The following PIGB variants were observed in gnomAD, a reference collection of about 807,000 sequenced individuals.
PIGB encodes the protein GPI alpha-1,2-mannosyltransferase 3.
Under a neutral mutation model 68.4 loss-of-function variants are expected in PIGB, and 58 were observed. The observed-to-expected ratio is 0.85, with a 90% CI of 0.69 to 1.06. PIGB has a LOEUF of 1.06. Among genes scored for constraint, PIGB ranks in the 50% least tolerant of loss-of-function variants. The pLI, the probability that PIGB is intolerant of heterozygous loss-of-function variation, is 0.00. For missense variants in PIGB, 634 were observed against 655.8 expected, an observed-to-expected ratio of 0.97 and a Z score of 0.36; for synonymous variants, 219 against 220.5, an observed-to-expected ratio of 0.99 and a Z score of 0.06.
chr15:55,351,004 T>A, intron 10 of PIGB, 92 bp downstream of exon 10: 1 of 668,982 alleles, frequency 1.5e-6, no homozygotes. Context: ...AATTAATTGG[T>A]CACTGATCAA....
At chr15:55,348,097 T>TCCTGCCTCAG (rs776072492) in intron 9 of PIGB, among the ~76,000 whole-genome samples, 17 of 150,018 alleles carry the variant, frequency 1.1e-4, no homozygotes, top group Admixed American at 3.3e-4. Context: ...CAAGTGATTC[T>TCCTGCCTCAG]CCTGCCTCAG....
chr15:55,340,709 G>T lies in PIGB; in HGVS notation c.944G>T (p.Gly315Val). 6.2e-7 allele frequency: 1 copy of T among 1,611,900 alleles called. No homozygotes were observed. Among genetic ancestry groups the T allele is most frequent in the Non-Finnish European group, 8.5e-7 (1 of 1,178,630 alleles). The change falls in exon 8 of 12, where the codon GGA (glycine) becomes GTA (valine). Residue 315 changes from glycine (G) to valine (V), a missense_variant. By Grantham distance (109) the Gly-to-Val change is moderately radical (BLOSUM62 -3). Transcript: ENST00000164305. ...SHPWHWYFSQGFPVILGTHLP... is the reference protein window; with the variant it reads ...SHPWHWYFSQVFPVILGTHLP... ...CCATGGCACTGGTACTTCAGTCAAG[G>T]ATTTCCAGTTATCTTGGGTACTCAC... is the stretch of plus-strand genomic sequence containing the variant.
chr15:55,331,330 A>G (rs942431752), intron 5 of PIGB, among the ~76,000 whole-genome samples: 2 of 152,184 alleles, frequency 1.3e-5, no homozygotes, highest in Non-Finnish European at 2.9e-5. Flanking sequence ...GTACAAAAGG[A>G]CTGCTATATA....
intron 3 of PIGB, among the ~76,000 whole-genome samples, chr15:55,323,253 G>C: frequency 6.6e-6 from 1 of 152,190 alleles, no homozygotes; most frequent in South Asian, 2.1e-4. Context: ...GTTAAAAGCA[G>C]AACTAGAGCT....
intron 3 of PIGB, among the ~76,000 whole-genome samples, chr15:55,326,524 T>C (rs546432030): frequency 2.0e-5 from 3 of 152,198 alleles, no homozygotes; most frequent in Non-Finnish European, 4.4e-5. Flanking sequence ...CTGCAAATAT[T>C]TGAATTTTTA....
At chr15:55,338,204 A>G (rs2055580636) in intron 6 of PIGB, among the ~76,000 whole-genome samples, 1 of 152,140 alleles carries the variant, frequency 6.6e-6, no homozygotes, top group African/African-American at 2.4e-5. Context: ...GCAGTCTCTG[A>G]GATGGCCTCC....
chr15:55,354,721 A>C, intron 10 of PIGB, 77 bp from the exon 11 acceptor site: 1 of 1,137,618 alleles, frequency 8.8e-7, no homozygotes, highest in Non-Finnish European at 1.2e-6. Context: ...TTTGCTAAGT[A>C]TAAATGACAT....
Position 55,319,249 on chromosome 15 carries a change from G to T in PIGB, c.-2G>T, listed in dbSNP as rs371584829. On this transcript the variant is annotated 5_prime_UTR_variant, in exon 1 of 12. Transcript: ENST00000164305. ...TCCGCCTTAGGAAGGTGGCGGCCAG[G>T]GATGAGGAGGCCCCTAAGCAAGTGC... 15 of 1,604,196 alleles carry T rather than the reference G, an allele frequency of 9.4e-6. No homozygotes were observed. Among genetic ancestry groups the T allele is most frequent in the Non-Finnish European group, 1.3e-5 (15 of 1,176,040 alleles).
intron 3 of PIGB, among the ~76,000 whole-genome samples, chr15:55,326,624 T>C (rs545040609): frequency 6.6e-6 from 1 of 152,262 alleles, no homozygotes; most frequent in South Asian, 2.1e-4. Context: ...CCCAGCACTT[T>C]GGGAGGCCGA....
In PIGB at chr15:55,354,882, T is replaced by C. The variant is rs759162837; in HGVS notation, c.1422T>C (p.Asp474=). The part of the protein sequence containing the change: ...TGKSHYLDEA[D]VFYLNPLNWL... The stretch of plus-strand genomic sequence containing the variant: ...AAAGTCATTATCTTGATGAAGCAGA[T>C]GTATTTTACCTAAATCCCTTAAACT... Residue 474 remains aspartate, a synonymous_variant, in exon 11 of 12, where the codon GAT becomes GAC. Coordinates refer to ENST00000164305, the MANE Select transcript of PIGB (RefSeq NM_004855.5). 5 of 1,613,734 alleles carry C rather than the reference T, an allele frequency of 3.1e-6. No individual in the cohort carries two copies. The highest frequency in any genetic ancestry group is 3.4e-6 in the Non-Finnish European group (4 of 1,179,722).
intron 5 of PIGB, among the ~76,000 whole-genome samples, chr15:55,332,827 G>T (rs950633650): frequency 2.0e-5 from 3 of 151,986 alleles, no homozygotes; most frequent in Non-Finnish European, 2.9e-5. Context: ...TTATCAAATT[G>T]TCTCTTTCAA....
chr15:55,320,091 G>A, intron 1 of PIGB, 184 bp from the exon 2 acceptor site: 1 of 437,136 alleles, frequency 2.3e-6, no homozygotes, highest in South Asian at 6.2e-5. Flanking sequence ...AAGAGTGGCA[G>A]TCACCCAGTG....
intron 6 of PIGB, 143 bp from the exon 7 acceptor site, chr15:55,339,124 A>C: frequency 1.6e-6 from 1 of 640,258 alleles, no homozygotes; most frequent in South Asian, 1.8e-5. Flanking sequence ...ACCTTTCAAA[A>C]TGTGTAAATC....
At position 55,340,780 on chromosome 15, in the gene PIGB, C is replaced by T. The variant is rs777281224; in HGVS notation, c.1015C>T (p.Arg339Trp). ...CTGCTATCTAGCACCAAAGAGATAC[C>T]GGATACTTTTGGTGACTGTGCTGTG... ...HGCYLAPKRY[R>W]ILLVTVLWTL... The change falls in exon 8 of 12, where the codon CGG becomes TGG. Residue 339 changes from arginine to tryptophan, a missense_variant. By Grantham distance (101) the Arg-to-Trp change is moderately radical. Transcript: ENST00000164305. 32 of 1,610,264 alleles carry T rather than the reference C, an allele frequency of 2.0e-5. No homozygotes were observed. The Admixed American group carries it at 2.7e-4, about 14-fold the overall frequency.
In PIGB at chr15:55,340,680, T is replaced by G; in HGVS notation, c.915T>G (p.Ser305=). ...VLQNWGTFYG[S]HPWHWYFSQG... ...AGAACTGGGGAACATTTTATGGTTCTCATCCATGGCACTGGTACTTCAGTC... is the reference window on the plus strand; with the variant it reads ...AGAACTGGGGAACATTTTATGGTTCGCATCCATGGCACTGGTACTTCAGTC... The change falls in exon 8 of 12, where the codon TCT becomes TCG. Residue 305 remains serine, a synonymous_variant. Coordinates refer to ENST00000164305, the MANE Select transcript of PIGB (RefSeq NM_004855.5). The G allele has an allele frequency of 6.2e-7, 1 of 1,612,870 alleles. No homozygotes were observed. Among genetic ancestry groups the G allele is most frequent in the South Asian group, 1.1e-5 (1 of 90,804 alleles).
chr15:55,355,022 AC>A, intron 11 of PIGB, 44 bp downstream of exon 11: 1 of 1,508,610 alleles, frequency 6.6e-7, no homozygotes, highest in Non-Finnish European at 9.0e-7. Context: ...TTTTAATTTT[AC>A]CCCAGGTTTA....
intron 1 of PIGB, chr15:55,319,772 GC>G (rs541006981): frequency 6.3e-4 from 128 of 203,724 alleles, no homozygotes; most frequent in Non-Finnish European, 9.7e-4. Flanking sequence ...GTAAAATGGG[GC>G]TAATAATACC....
In PIGB at chr15:55,341,801, T is replaced by A. The variant is rs189281555; in HGVS notation, c.1122T>A (p.Cys374Ter). The A allele has an allele frequency of 1.4e-6, 2 of 1,405,234 alleles. No individual in the cohort carries two copies. 87.0% of individuals were successfully genotyped at this position (1,405,234 alleles called of 1,614,324 possible). ...TTTTACCATTCTGTATGGTGTTCTG[T>A]GGTAAGTGCTTTTGTTTGTTATAGA... Reference protein sequence around the residue: ...YPVLPFCMVFCGYSLTHLKTW... With the variant: ...YPVLPFCMVF The change falls in exon 9 of 12, where the codon TGT becomes TGA. Residue 374 changes from cysteine to a stop codon, truncating the protein, a stop_gained and splice_region_variant. Transcript: ENST00000164305. LOFTEE classifies it high-confidence loss of function.
At chr15:55,328,425 C>A (rs565919166) in intron 4 of PIGB, among the ~76,000 whole-genome samples, 6 of 152,054 alleles carry the variant, frequency 3.9e-5, no homozygotes, top group African/African-American at 1.4e-4. Flanking sequence ...TTCTAAATTC[C>A]AAGTAACCAA....
Sources: allele counts gnomAD v4.1 joint callset (sites outside exome capture counted in the v4.1 genomes callset), GRCh38; gene constraint gnomAD v4.1.1; transcripts MANE v1.5; gene names NCBI Gene and HGNC (gene_info 2026-07-23, HGNC 2026-07-21).